The following MARCHF1 variants were observed in gnomAD, a reference collection of about 807,000 sequenced individuals.
MARCHF1 encodes membrane associated ring-CH-type finger 1, also known as E3 ubiquitin-protein ligase MARCHF1.
A neutral mutation model predicts 54.2 loss-of-function variants in MARCHF1; 40 were observed. That is an observed-to-expected ratio of 0.74 (90% confidence interval 0.57 to 0.96). The LOEUF (loss-of-function observed/expected upper bound fraction) is 0.96, where lower values mean the gene tolerates loss of function less well. MARCHF1 is among the 40% of genes least tolerant of loss of function. MARCHF1 has a pLI of 0.00. For missense variants in MARCHF1, 586 were observed against 656.5 expected (o/e 0.89, Z 1.17); for synonymous variants, 236 against 236.3 (o/e 1.00, Z 0.01).
At chr4:164,378,627 TG>T (rs1731269576) in intron 1 of MARCHF1, among the ~76,000 whole-genome samples, 1 of 152,330 alleles carries the variant, frequency 6.6e-6, no homozygotes, top group East Asian at 1.9e-4. Flanking sequence ...ATTACAACTA[TG>T]GGCTACCATC....
downstream of MARCHF1, chr4:163,524,437 T>A (rs1016198405): frequency 6.6e-6 from 1 of 152,224 alleles, no homozygotes; most frequent in African/African-American, 2.4e-5. Flanking sequence ...TTTTTCTATA[T>A]CCAAGACTTA....
chr4:163,832,920 T>G (rs1749072514), intron 4 of MARCHF1, among the ~76,000 whole-genome samples: 2 of 152,056 alleles, frequency 1.3e-5, no homozygotes, highest in South Asian at 4.2e-4. Flanking sequence ...GGACATGAAT[T>G]CATCATTTTT....
chr4:163,820,664 T>C (rs1038074327), intron 4 of MARCHF1, among the ~76,000 whole-genome samples: 8 of 152,098 alleles, frequency 5.3e-5, no homozygotes, highest in African/African-American at 1.9e-4. Flanking sequence ...AATAACCCAT[T>C]CATCAAAGTC....
intron 4 of MARCHF1, among the ~76,000 whole-genome samples, chr4:163,754,897 G>A (rs57261622): frequency 0.084 from 12,713 of 152,120 alleles, 911 homozygotes; most frequent in African/African-American, 0.19. Flanking sequence ...AGAATGAAGA[G>A]GGGAGAAGGA....
At chr4:163,974,343 C>T (rs1752607975) in intron 3 of MARCHF1, among the ~76,000 whole-genome samples, 2 of 152,266 alleles carry the variant, frequency 1.3e-5, no homozygotes, top group Admixed American at 1.3e-4. Flanking sequence ...TTGGACTATT[C>T]TGAGATCACC....
chr4:163,813,342 C>G (rs1164075767), intron 4 of MARCHF1, among the ~76,000 whole-genome samples: 1 of 152,202 alleles, frequency 6.6e-6, no homozygotes, highest in African/African-American at 2.4e-5. Context: ...TAGTCAATGT[C>G]TTGCCTCAAT....
At chr4:164,193,911 G>A (rs984817843) in intron 1 of MARCHF1, among the ~76,000 whole-genome samples, 1 of 152,160 alleles carries the variant, frequency 6.6e-6, no homozygotes, top group Non-Finnish European at 1.5e-5. Context: ...TCATTTCTGT[G>A]GTTAGAAGTT....
At chr4:163,672,803 C>T (rs932974131) in intron 5 of MARCHF1, among the ~76,000 whole-genome samples, 1 of 152,120 alleles carries the variant, frequency 6.6e-6, no homozygotes, top group African/African-American at 2.4e-5. Flanking sequence ...AATCCAGCTC[C>T]CTGCCTTTTC....
chr4:163,684,022 T>C (rs1744191338), intron 5 of MARCHF1, among the ~76,000 whole-genome samples: 1 of 152,328 alleles, frequency 6.6e-6, no homozygotes, highest in South Asian at 2.1e-4. Flanking sequence ...TTCTCCAGCA[T>C]GGGGGCTTCA....
intron 3 of MARCHF1, among the ~76,000 whole-genome samples, chr4:163,854,936 AC>A (rs1253396670): frequency 6.6e-6 from 1 of 152,022 alleles, no homozygotes; most frequent in African/African-American, 2.4e-5. Flanking sequence ...CCACTCCACC[AC>A]CCTCAGTAAT....
chr4:163,699,037 A>G (rs1744722434), intron 5 of MARCHF1, among the ~76,000 whole-genome samples: 1 of 152,166 alleles, frequency 6.6e-6, no homozygotes, highest in Non-Finnish European at 1.5e-5. Context: ...TAAAGTGAAC[A>G]TCTCAGGGTC....
chr4:163,721,092 T>A (rs571011408), intron 4 of MARCHF1, among the ~76,000 whole-genome samples: 5 of 152,326 alleles, frequency 3.3e-5, no homozygotes, highest in African/African-American at 9.6e-5. Context: ...AGAGAGGGCA[T>A]CCCTGTATTG....
intron 7 of MARCHF1, among the ~76,000 whole-genome samples, chr4:163,590,057 GGTGTGTGT>G (rs34885496): frequency 6.8e-6 from 1 of 146,168 alleles, no homozygotes; most frequent in Non-Finnish European, 1.5e-5. Flanking sequence ...TTTAGATTTT[GGTGTGTGT>G]GTGTGTGTGT....
At chr4:163,655,973 A>G (rs1374720875) in intron 5 of MARCHF1, among the ~76,000 whole-genome samples, 1 of 151,992 alleles carries the variant, frequency 6.6e-6, no homozygotes, top group Non-Finnish European at 1.5e-5. Context: ...TCAAGTCAAC[A>G]TCCTGACATC....
chr4:163,902,206 C>G (rs929315768), intron 3 of MARCHF1, among the ~76,000 whole-genome samples: 11 of 152,144 alleles, frequency 7.2e-5, no homozygotes, highest in African/African-American at 2.7e-4. Context: ...GTCAAACATA[C>G]CTTTAGATCC....
chr4:163,655,947 G>T (rs1292412213), intron 5 of MARCHF1, among the ~76,000 whole-genome samples: 1 of 151,852 alleles, frequency 6.6e-6, no homozygotes, highest in African/African-American at 2.4e-5. Context: ...GACCACATCA[G>T]AAAGCTGGGA....
At chr4:164,152,398 G>A (rs1457370728) in intron 1 of MARCHF1, among the ~76,000 whole-genome samples, 1 of 152,094 alleles carries the variant, frequency 6.6e-6, no homozygotes, top group Non-Finnish European at 1.5e-5. Flanking sequence ...CCTACCTAAG[G>A]GGTCTAGGGA....
intron 1 of MARCHF1, among the ~76,000 whole-genome samples, chr4:164,366,007 T>C (rs1049883090): frequency 6.6e-6 from 1 of 152,040 alleles, no homozygotes; most frequent in African/African-American, 2.4e-5. Context: ...TACATTTGTT[T>C]TGAACAAGAA....
chr4:163,748,806 C>T (rs577743230), intron 4 of MARCHF1, among the ~76,000 whole-genome samples: 3 of 152,316 alleles, frequency 2.0e-5, no homozygotes, highest in East Asian at 3.9e-4. Context: ...ACAGCCCCCC[C>T]GCCCATTGAC....
Sources: gnomAD v4.1 joint callset for allele counts (sites outside exome capture counted in the v4.1 genomes callset) on GRCh38, gnomAD v4.1.1 for gene constraint, MANE v1.5 for transcripts, NCBI Gene and HGNC (gene_info 2026-07-23, HGNC 2026-07-21) for gene names.